Variants in STIM1 observed in about 807,000 individuals in gnomAD.
STIM1 encodes stromal interaction molecule 1.
In STIM1, 25 loss-of-function variants were observed where a neutral mutation model predicts 74.7. That is an observed-to-expected ratio of 0.33 (90% CI 0.24 to 0.47). The LOEUF is 0.47. Ranked by LOEUF, STIM1 falls within the 20% of genes least tolerant of loss-of-function variation. STIM1 has a pLI of 1.00. For synonymous variants in STIM1, 328 were observed against 348.8 expected (o/e 0.94, Z 0.66); for missense variants, 728 against 920.8 (o/e 0.79, Z 2.71).
intron 1 of STIM1, among the ~76,000 whole-genome samples, chr11:3,907,326 C>T (rs2092481621): frequency 6.6e-6 from 1 of 152,072 alleles, no homozygotes; most frequent in Non-Finnish European, 1.5e-5. Context: ...TTTGTGTTTC[C>T]AGCTTAGATT....
intron 5 of STIM1, among the ~76,000 whole-genome samples, chr11:4,066,325 TC>T (rs1173765960): frequency 6.6e-6 from 1 of 152,208 alleles, no homozygotes; most frequent in East Asian, 1.9e-4. Context: ...CTGGCCATGC[TC>T]TTTTTGTCTC....
At chr11:4,056,233 C>T (rs7114373) in intron 4 of STIM1, among the ~76,000 whole-genome samples, 7,202 of 152,250 alleles carry the variant, frequency 0.047, 537 homozygotes, top group African/African-American at 0.16. Flanking sequence ...GCCCCAGCCT[C>T]ATCTCTGGGA....
intron 2 of STIM1, among the ~76,000 whole-genome samples, chr11:4,023,190 C>G (rs570037424): frequency 2.6e-5 from 4 of 152,012 alleles, no homozygotes; most frequent in East Asian, 1.9e-4. Flanking sequence ...TTAGCTGGGT[C>G]GGGTGGCACA....
At chr11:3,963,846 A>G (rs1425344236) in intron 1 of STIM1, among the ~76,000 whole-genome samples, 3 of 152,240 alleles carry the variant, frequency 2.0e-5, no homozygotes, top group African/African-American at 7.2e-5. Context: ...CACTTGGAAC[A>G]TATGACTGGT....
intron 1 of STIM1, among the ~76,000 whole-genome samples, chr11:3,936,190 A>C (rs1269318260): frequency 6.6e-6 from 1 of 152,136 alleles, no homozygotes; most frequent in African/African-American, 2.4e-5. Flanking sequence ...AAGTTAAGTG[A>C]CTTGTGTGGG....
At chr11:4,052,897 A>C (rs2094255240) in intron 3 of STIM1, among the ~76,000 whole-genome samples, 1 of 152,162 alleles carries the variant, frequency 6.6e-6, no homozygotes, top group Admixed American at 6.5e-5. Flanking sequence ...TACAAGAAAA[A>C]ACCCCATCAA....
At chr11:4,010,824 G>T (rs2093828637) in intron 2 of STIM1, among the ~76,000 whole-genome samples, 1 of 151,992 alleles carries the variant, frequency 6.6e-6, no homozygotes, top group African/African-American at 2.4e-5. Flanking sequence ...CACCCATCAA[G>T]TTGTCATTTA....
At position 3,898,126 on chromosome 11, in the gene STIM1, AC is replaced by A. The variant is rs548655954; in HGVS notation, c.139+41719del. On this transcript the variant is annotated intron_variant, in intron 1 of 12. Transcript: ENST00000526596. ...AATGGTTGAACTAGTTTATAGTCCC[AC>A]CAACAGTGTAAGAGTGTTCCTATTT... is the stretch of plus-strand genomic sequence containing the variant. Among the ~76,000 whole-genome samples the A allele has an allele frequency of 7.6e-3, 1,164 of 152,192 alleles. 13 individuals are homozygous for A. The highest frequency in any genetic ancestry group is 0.027 in the African/African-American group (1,118 of 41,468).
chr11:4,029,364 A>G (rs2094027610), intron 3 of STIM1, among the ~76,000 whole-genome samples: 1 of 151,936 alleles, frequency 6.6e-6, no homozygotes, highest in Non-Finnish European at 1.5e-5. Flanking sequence ...TTTGATTATA[A>G]TGCTGTTGAA....
chr11:3,928,982 T>C (rs1338620345), intron 1 of STIM1, among the ~76,000 whole-genome samples: 1 of 152,178 alleles, frequency 6.6e-6, no homozygotes, highest in African/African-American at 2.4e-5. Context: ...GCAATTCTCC[T>C]GCCTCAGCCT....
intron 1 of STIM1, among the ~76,000 whole-genome samples, chr11:3,960,968 C>A (rs2093278758): frequency 1.3e-5 from 2 of 151,472 alleles, no homozygotes; most frequent in South Asian, 4.2e-4. Flanking sequence ...GCCTGGAGAG[C>A]AGTAGCAGCC....
At chr11:4,029,859 G>C (rs908930055) in intron 3 of STIM1, among the ~76,000 whole-genome samples, 6 of 152,050 alleles carry the variant, frequency 3.9e-5, no homozygotes, top group Non-Finnish European at 8.8e-5. Flanking sequence ...TGTAAGTTTG[G>C]TGATGTTTTT....
At chr11:4,089,903 G>A (rs979262596) in intron 12 of STIM1, among the ~76,000 whole-genome samples, 2 of 152,184 alleles carry the variant, frequency 1.3e-5, no homozygotes, top group African/African-American at 4.8e-5. Flanking sequence ...AGGCCTCTAG[G>A]AAGGCAGAAG....
chr11:4,058,309 A>G (rs1042291502), intron 4 of STIM1, among the ~76,000 whole-genome samples: 1 of 152,166 alleles, frequency 6.6e-6, no homozygotes, highest in Non-Finnish European at 1.5e-5. Flanking sequence ...CCCACACCCC[A>G]TCACAGTGCC....
chr11:3,995,232 T>TTTTG (rs762208138), intron 2 of STIM1, among the ~76,000 whole-genome samples: 7 of 152,204 alleles, frequency 4.6e-5, no homozygotes, highest in South Asian at 2.1e-4. Context: ...TTTCTTTGTT[T>TTTTG]TTTGTTTGTT....
chr11:3,870,868 T>TG (rs1184364238), intron 1 of STIM1, among the ~76,000 whole-genome samples: 29 of 135,438 alleles, frequency 2.1e-4, no homozygotes, highest in African/African-American at 7.2e-4. Context: ...TATCAGCTAC[T>TG]CTTTTTTTTT....
intron 1 of STIM1, among the ~76,000 whole-genome samples, chr11:3,954,026 T>A (rs1424539217): frequency 6.6e-6 from 1 of 152,138 alleles, no homozygotes; most frequent in Non-Finnish European, 1.5e-5. Context: ...CAGGTGATCC[T>A]TAGCCTCCCA....
intron 2 of STIM1, among the ~76,000 whole-genome samples, chr11:3,992,627 C>T (rs911016912): frequency 2.6e-5 from 4 of 151,942 alleles, no homozygotes; most frequent in Non-Finnish European, 5.9e-5. Flanking sequence ...TGATGAAGTC[C>T]AGTTTATTTA....
At chr11:3,976,911 C>T (rs2093453169) in intron 2 of STIM1, among the ~76,000 whole-genome samples, 1 of 152,130 alleles carries the variant, frequency 6.6e-6, no homozygotes, top group East Asian at 1.9e-4. Flanking sequence ...TCTCCTGCAT[C>T]AGCCTCCCTA....
Sources: gnomAD v4.1 joint callset for allele counts (sites outside exome capture counted in the v4.1 genomes callset) on GRCh38, gnomAD v4.1.1 for gene constraint, MANE v1.5 for transcripts, NCBI Gene and HGNC (gene_info 2026-07-23, HGNC 2026-07-21) for gene names.